REPS2: variants seen among roughly 807,000 people sequenced by gnomAD.
The protein encoded by REPS2 is ralBP1-associated Eps domain-containing protein 2.
REPS2 carries 23 observed loss-of-function variants against 53.6 expected under a neutral mutation model. The ratio of observed to expected loss-of-function variants is 0.43; its 90% CI spans 0.31 to 0.61. The LOEUF (loss-of-function observed/expected upper bound fraction) is 0.61, where lower values mean the gene tolerates loss of function less well. Ranked by LOEUF, REPS2 falls within the 20% of genes least tolerant of loss-of-function variation. The pLI, the probability that REPS2 is intolerant of heterozygous loss-of-function variation, is 0.11. For missense variants in REPS2, 446 were observed against 534.9 expected (o/e 0.83, Z 1.64); for synonymous variants, 238 against 218.6 (o/e 1.09, Z -0.78).
rs745770472 is a variant in REPS2, at chrX:17,077,367, C to T, written c.1476C>T (p.Ser492=). The part of the protein sequence containing the change: ...PRPQKTHSRA[S]SLDLNKVFQP... ...CACAGAAAACCCATTCCAGAGCCTC[C>T]TCCTTGGATCTGAATAAAGTCTTCC... Residue 492 remains serine, a synonymous_variant, in exon 13 of 18, where the codon TCC becomes TCT. Coordinates refer to ENST00000357277, the MANE Select transcript of REPS2 (RefSeq NM_004726.3). 8.3e-7 allele frequency: 1 copy of T among 1,209,943 alleles called. No homozygotes were observed. The highest frequency in any genetic ancestry group is 3.0e-5 in the East Asian group (1 of 33,696).
At chrX:17,134,531 T>C (rs2063336192) in intron 15 of REPS2, among the ~76,000 whole-genome samples, 1 of 112,327 alleles carries the variant, frequency 8.9e-6, no homozygotes, top group Non-Finnish European at 1.9e-5. Flanking sequence ...ACTGTGGCTC[T>C]TTTTCTTGAC....
the REPS2 span, among the ~76,000 whole-genome samples, chrX:17,159,615 AT>A: frequency 9.0e-6 from 1 of 111,690 alleles, no homozygotes; most frequent in African/African-American, 3.3e-5. Context: ...TCACTCCATC[AT>A]CTATACGTTA....
At chrX:16,960,304 C>T (rs1428733769) in intron 1 of REPS2, among the ~76,000 whole-genome samples, 1 of 111,191 alleles carries the variant, frequency 9.0e-6, no homozygotes, top group Non-Finnish European at 1.9e-5. Context: ...GATTTTGAGG[C>T]TGCAGTGAGC....
intron 13 of REPS2, among the ~76,000 whole-genome samples, chrX:17,102,362 TG>T (rs1569178212): frequency 8.9e-6 from 1 of 111,935 alleles, no homozygotes; most frequent in Non-Finnish European, 1.9e-5. Context: ...GACTACAGCA[TG>T]AGGCACCATG....
At chrX:17,173,624 T>C in the REPS2 span, among the ~76,000 whole-genome samples, 1 of 112,335 alleles carries the variant, frequency 8.9e-6, no homozygotes, top group African/African-American at 3.2e-5. Context: ...AACATGAAGC[T>C]ACTCTAGGAT....
At chrX:17,023,394 C>T (rs1212326412) in intron 3 of REPS2, among the ~76,000 whole-genome samples, 2 of 105,064 alleles carry the variant, frequency 1.9e-5, no homozygotes, top group Non-Finnish European at 3.9e-5. Flanking sequence ...CATCACTGCA[C>T]TCCAGCCTGG....
chrX:17,190,422 T>C, the REPS2 span, among the ~76,000 whole-genome samples: 15,936 of 111,759 alleles, frequency 0.14, 905 homozygotes, highest in African/African-American at 0.19. Flanking sequence ...AACGTATGTG[T>C]AGGATCTTTA....
intron 2 of REPS2, among the ~76,000 whole-genome samples, chrX:17,008,944 A>T (rs2061393937): frequency 9.0e-6 from 1 of 111,289 alleles, no homozygotes; most frequent in Non-Finnish European, 1.9e-5. Flanking sequence ...CAAGCCAGAA[A>T]CTCAGCAGCC....
intron 1 of REPS2, among the ~76,000 whole-genome samples, chrX:16,957,745 A>G (rs2060613590): frequency 8.9e-6 from 1 of 111,752 alleles, no homozygotes; most frequent in Admixed American, 9.6e-5. Context: ...AGCCTCTTTT[A>G]TTTTTTGTTC....
At chrX:17,116,403 G>T (rs1473997483) in intron 14 of REPS2, among the ~76,000 whole-genome samples, 1 of 110,037 alleles carries the variant, frequency 9.1e-6, no homozygotes, top group East Asian at 2.8e-4. Context: ...TAGAGATGGG[G>T]TTTTTTCATG....
At chrX:17,026,094 C>T (rs1483185742) in intron 4 of REPS2, among the ~76,000 whole-genome samples, 1 of 111,650 alleles carries the variant, frequency 9.0e-6, no homozygotes, top group Admixed American at 9.6e-5. Context: ...GAGAAGCAGG[C>T]GTGGCATAAT....
chrX:17,154,803 C>G (rs901366333), downstream of REPS2, among the ~76,000 whole-genome samples: 1 of 112,524 alleles, frequency 8.9e-6, no homozygotes, highest in Non-Finnish European at 1.9e-5. Flanking sequence ...TAGCTGTGAG[C>G]TCCAGAGGAA....
At chrX:17,026,183 A>G (rs910444963) in intron 4 of REPS2, among the ~76,000 whole-genome samples, 3 of 111,996 alleles carry the variant, frequency 2.7e-5, no homozygotes, top group African/African-American at 9.7e-5. Context: ...GCCATTGAAC[A>G]TCTCTGAACC....
At chrX:17,013,703 T>C (rs1187231074) in intron 2 of REPS2, among the ~76,000 whole-genome samples, 1 of 110,900 alleles carries the variant, frequency 9.0e-6, no homozygotes, top group Non-Finnish European at 1.9e-5. Context: ...CTAAATACTA[T>C]GTTGGGATGT....
At chrX:16,987,896 C>G (rs2061111103) in intron 1 of REPS2, among the ~76,000 whole-genome samples, 1 of 111,655 alleles carries the variant, frequency 9.0e-6, no homozygotes, top group South Asian at 3.7e-4. Flanking sequence ...GCAAGGATGT[C>G]TATTCTCATC....
intron 13 of REPS2, among the ~76,000 whole-genome samples, chrX:17,081,257 A>C (rs1479814200): frequency 8.9e-6 from 1 of 111,809 alleles, no homozygotes; most frequent in Non-Finnish European, 1.9e-5. Flanking sequence ...TGGAAAGGAA[A>C]TAGGATGGAG....
At chrX:16,989,171 A>G (rs2061129476) in intron 1 of REPS2, among the ~76,000 whole-genome samples, 2 of 110,644 alleles carry the variant, frequency 1.8e-5, no homozygotes, top group Non-Finnish European at 3.8e-5. Flanking sequence ...ATCTTTGACA[A>G]AATTGCAACA....
In REPS2 at chrX:17,070,248, T is replaced by C. The variant is rs1247434625; in HGVS notation, c.1333+255T>C. ...CACGAAGGATCACTCCGTGTGAATA[T>C]AGGGTCTTGTTACTAAGTGCAAAAT... On this transcript the variant is annotated intron_variant, in intron 11 of 17. Coordinates refer to ENST00000357277, the MANE Select transcript of REPS2 (RefSeq NM_004726.3). Among the ~76,000 whole-genome samples, 3 of 112,047 alleles carry C rather than the reference T, an allele frequency of 2.7e-5. No individual in the cohort carries two copies. In the East Asian group the frequency reaches 8.4e-4, roughly 31 times the overall value.
chrX:17,043,665 G>A (rs182574818), intron 5 of REPS2, among the ~76,000 whole-genome samples: 9 of 112,213 alleles, frequency 8.0e-5, no homozygotes, highest in African/African-American at 2.9e-4. Flanking sequence ...CATTGGCCTT[G>A]ATATTTCTCA....
Sources: gnomAD v4.1 joint callset for allele counts (sites outside exome capture counted in the v4.1 genomes callset) on GRCh38, gnomAD v4.1.1 for gene constraint, MANE v1.5 for transcripts, NCBI Gene and HGNC (gene_info 2026-07-23, HGNC 2026-07-21) for gene names.